The following CBL variants were observed in gnomAD, a reference collection of about 807,000 sequenced individuals.
CBL encodes Cbl proto-oncogene.
A neutral mutation model predicts 96.9 loss-of-function variants in CBL; 45 were observed. That is an observed-to-expected ratio of 0.46 (90% CI 0.37 to 0.60). The LOEUF (loss-of-function observed/expected upper bound fraction) is 0.60, where lower values mean the gene tolerates loss of function less well. Among genes scored for constraint, CBL ranks in the 20% least tolerant of loss-of-function variants. The pLI, the probability that CBL is intolerant of heterozygous loss-of-function variation, is 0.00. For synonymous variants in CBL, 420 were observed against 426.8 expected, an observed-to-expected ratio of 0.98 and a Z score of 0.20; for missense variants, 1,024 against 1,143.5, an observed-to-expected ratio of 0.90 and a Z score of 1.51.
intron 2 of CBL, among the ~76,000 whole-genome samples, chr11:119,243,432 A>G (rs1667185538): frequency 6.6e-6 from 1 of 151,748 alleles, no homozygotes. Flanking sequence ...GATTATAGGC[A>G]TGAACCACTG....
At chr11:119,242,537 C>CAAAAA (rs71048052) in intron 2 of CBL, among the ~76,000 whole-genome samples, 1 of 76,362 alleles carries the variant, frequency 1.3e-5, no homozygotes, top group Non-Finnish European at 2.4e-5. Context: ...GACTCCATCT[C>CAAAAA]AAAAAAAAAA....
At chr11:119,240,030 G>A (rs545101849) in intron 2 of CBL, among the ~76,000 whole-genome samples, 3 of 152,198 alleles carry the variant, frequency 2.0e-5, no homozygotes, top group South Asian at 4.1e-4. Context: ...GGTGGCTCAC[G>A]CCTGTAATGC....
intron 2 of CBL, among the ~76,000 whole-genome samples, chr11:119,254,176 GTC>G (rs961066499): frequency 5.3e-5 from 8 of 151,782 alleles, no homozygotes; most frequent in African/African-American, 4.8e-5. Flanking sequence ...GCAAGACCTC[GTC>G]TCTATAAAAA....
rs1049441440 is a variant in CBL at position 119,300,746 on chromosome 11, G to A, written c.*965G>A. Reference sequence around the variant, plus strand: ...GTCTGTGGGAGTCAGTTGCCTTGGTGCCAGGTATGTGTTCTGATGTAGGTC... The same window carrying A: ...GTCTGTGGGAGTCAGTTGCCTTGGTACCAGGTATGTGTTCTGATGTAGGTC... On this transcript the variant is annotated 3_prime_UTR_variant, in exon 16 of 16. Coordinates refer to ENST00000264033, the MANE Select transcript of CBL (RefSeq NM_005188.4). 3.0e-5 allele frequency: 12 copies of A among 394,950 alleles called. No individual in the cohort carries two copies. The highest frequency in any genetic ancestry group is 2.5e-4 in the African/African-American group (12 of 48,558). The allele number at this position is 394,950 out of a possible 1,614,324, so 24.5% of individuals were successfully genotyped here.
intron 12 of CBL, among the ~76,000 whole-genome samples, chr11:119,288,883 A>C (rs573706548): frequency 6.6e-6 from 1 of 152,304 alleles, no homozygotes; most frequent in East Asian, 1.9e-4. Context: ...TTTTAGGGGG[A>C]ACACAAACAG....
At position 119,307,259 on chromosome 11, in the gene CBL, G is replaced by A. The variant is rs1039986491; in HGVS notation, c.*7478G>A. ...CATGCCTTGTCTCCTGCAAAAGACAGAATGTTTCACAATTCCCAGGTAAAC... is the reference window on the plus strand; with the variant it reads ...CATGCCTTGTCTCCTGCAAAAGACAAAATGTTTCACAATTCCCAGGTAAAC... On this transcript the variant is annotated 3_prime_UTR_variant, in exon 16 of 16. Coordinates refer to ENST00000264033, the MANE Select transcript of CBL (RefSeq NM_005188.4). The A allele has an allele frequency of 1.3e-5, 3 of 232,566 alleles. No homozygotes were observed. The highest frequency in any genetic ancestry group is 6.6e-5 in the African/African-American group (3 of 45,300). 14.4% of individuals were successfully genotyped at this position (232,566 alleles called of 1,614,324 possible).
chr11:119,249,734 A>G lies in CBL; in HGVS notation c.443+17039A>G, dbSNP rs1949657810. Reference sequence around the variant, plus strand: ...AGGTGGTATGATCATGACTCACTGCAGTCTCAGCCTCCTGGGCTCAAGTAT... The same window carrying G: ...AGGTGGTATGATCATGACTCACTGCGGTCTCAGCCTCCTGGGCTCAAGTAT... On this transcript the variant is annotated intron_variant, in intron 2 of 15. Transcript: ENST00000264033. 2.0e-5 allele frequency among the ~76,000 whole-genome samples: 3 copies of G among 151,276 alleles called. No individual in the cohort carries two copies. In the South Asian group the frequency reaches 6.3e-4, roughly 32 times the overall value.
chr11:119,229,248 T>C (rs1949483164), intron 1 of CBL, among the ~76,000 whole-genome samples: 1 of 152,186 alleles, frequency 6.6e-6, no homozygotes, highest in Non-Finnish European at 1.5e-5. Flanking sequence ...AACTGGGAAC[T>C]GTCTGTATTT....
intron 2 of CBL, among the ~76,000 whole-genome samples, chr11:119,270,631 A>G (rs1380608395): frequency 6.7e-6 from 1 of 149,110 alleles, no homozygotes; most frequent in African/African-American, 2.5e-5. Context: ...TATTTTTAGT[A>G]GAGACGGGGT....
At chr11:119,229,958 G>A (rs1356975808) in intron 1 of CBL, among the ~76,000 whole-genome samples, 1 of 152,052 alleles carries the variant, frequency 6.6e-6, no homozygotes, top group African/African-American at 2.4e-5. Flanking sequence ...ATAATCTGAT[G>A]TATAGAAGAA....
chr11:119,223,310 A>G (rs1463351191), intron 1 of CBL, among the ~76,000 whole-genome samples: 2 of 148,002 alleles, frequency 1.4e-5, no homozygotes, highest in African/African-American at 5.0e-5. Flanking sequence ...GGGATTACAG[A>G]CATGAGCCAC....
rs1565272571 is a variant in CBL, at chr11:119,298,271, A to G, written c.2252-87A>G. The G allele has an allele frequency of 3.1e-5, 35 of 1,134,878 alleles. No individual in the cohort carries two copies. The South Asian group carries it at 4.1e-4, about 13-fold the overall frequency. 70.3% of individuals were successfully genotyped at this position (1,134,878 alleles called of 1,614,324 possible). A position where few individuals can be genotyped will look rare whatever the true frequency, so the allele number is the denominator to read the frequency against. ...TTGAATGAGATAAATGATTGCATAC[A>G]TGTAAAAATGAATGGCTGCCCCGTA... On this transcript the variant is annotated intron_variant, in intron 14 of 15. Coordinates refer to ENST00000264033, the MANE Select transcript of CBL (RefSeq NM_005188.4).
chr11:119,257,215 AT>A lies in CBL; in HGVS notation c.444-14519del, dbSNP rs1199381044. ...CAGTGTATAAGCATTCCCTATTCAA[AT>A]GAACAAATAACTAAATGAAGCATTC... On this transcript the variant is annotated intron_variant, in intron 2 of 15. Coordinates refer to ENST00000264033, the MANE Select transcript of CBL (RefSeq NM_005188.4). 2.6e-5 allele frequency among the ~76,000 whole-genome samples: 4 copies of A among 152,352 alleles called. No individual in the cohort carries two copies. The South Asian group carries it at 6.2e-4, about 24-fold the overall frequency.
At chr11:119,287,037 G>A (rs940278072) in intron 11 of CBL, among the ~76,000 whole-genome samples, 1 of 152,144 alleles carries the variant, frequency 6.6e-6, no homozygotes, top group Non-Finnish European at 1.5e-5. Flanking sequence ...CTGATCCCAG[G>A]GGAGATTATT....
At chr11:119,209,816 G>T (rs1347595588) in intron 1 of CBL, among the ~76,000 whole-genome samples, 1 of 152,150 alleles carries the variant, frequency 6.6e-6, no homozygotes, top group Non-Finnish European at 1.5e-5. Flanking sequence ...GATGGAAAAA[G>T]TTGGCATAAG....
In CBL at chr11:119,278,714, G is replaced by A. The variant is rs188629876; in HGVS notation, c.1431+1G>A. Reference sequence around the variant, plus strand: ...GATGAAGGAATTGGCTGGTGCCAAGGTAAGATGGCAGTTTAGGAGACTGGC... The same window carrying A: ...GATGAAGGAATTGGCTGGTGCCAAGATAAGATGGCAGTTTAGGAGACTGGC... On this transcript the variant is annotated splice_donor_variant, in intron 9 of 15. Coordinates refer to ENST00000264033, the MANE Select transcript of CBL (RefSeq NM_005188.4). LOFTEE classifies it high-confidence loss of function. 6.2e-7 allele frequency: 1 copy of A among 1,613,468 alleles called. No individual in the cohort carries two copies. Among genetic ancestry groups the A allele is most frequent in the Middle Eastern group, 1.7e-4 (1 of 5,972 alleles).
chr11:119,247,108 C>A (rs1949637143), intron 2 of CBL, among the ~76,000 whole-genome samples: 1 of 152,270 alleles, frequency 6.6e-6, no homozygotes, highest in Non-Finnish European at 1.5e-5. Flanking sequence ...CAGGGCACTT[C>A]ATTTTGGAGA....
At chr11:119,229,526 G>T (rs1307913531) in intron 1 of CBL, among the ~76,000 whole-genome samples, 1 of 152,104 alleles carries the variant, frequency 6.6e-6, no homozygotes, top group African/African-American at 2.4e-5. Flanking sequence ...TAGGCAGGAG[G>T]GTTGCTTGAA....
intron 9 of CBL, among the ~76,000 whole-genome samples, chr11:119,279,115 G>C (rs568598936): frequency 1.2e-4 from 18 of 151,856 alleles, no homozygotes; most frequent in Non-Finnish European, 2.5e-4. Flanking sequence ...GAATATGAGG[G>C]AGAAATAAAA....
Sources: gnomAD v4.1 joint callset for allele counts (sites outside exome capture counted in the v4.1 genomes callset) on GRCh38, gnomAD v4.1.1 for gene constraint, MANE v1.5 for transcripts, NCBI Gene and HGNC (gene_info 2026-07-23, HGNC 2026-07-21) for gene names.